The following PRELID2 variants were observed in gnomAD, a reference collection of about 807,000 sequenced individuals.
The protein encoded by PRELID2 is PRELI domain containing 2, also known as PRELI domain-containing protein 2.
PRELID2 carries 25 observed loss-of-function variants against 28.4 expected under a neutral mutation model. That is an observed-to-expected ratio of 0.88 (90% CI 0.64 to 1.23). The LOEUF is 1.23. Among genes scored for constraint, PRELID2 ranks in the 50% most tolerant of loss-of-function variants. The pLI is 0.00. For synonymous variants in PRELID2, 76 were observed against 71.6 expected (o/e 1.06, Z -0.31); for missense variants, 201 against 214.4 (o/e 0.94, Z 0.39).
Position 145,492,818 on chromosome 5 carries a change from C to T in PRELID2, n.71-19503G>A, listed in dbSNP as rs557254704. Among the ~76,000 whole-genome samples the T allele has an allele frequency of 3.6e-4, 51 of 141,010 alleles. 6 individuals carry two copies. The highest frequency in any genetic ancestry group is 1.2e-3 in the African/African-American group (50 of 40,076). 92.5% of individuals were successfully genotyped at this position (141,010 alleles called of 152,430 possible). ...GGTGCAGGCCAGAGATTGAGTCCAC[C>T]ACACAAGGCTGAAGCCTTAGGGTTA... On this transcript the variant is annotated intron_variant and non_coding_transcript_variant, in intron 1 of 2. Coordinates refer to the PRELID2 transcript ENST00000510259.
At chr5:145,488,123 C>CAAAA (rs10643402) in intron 1 of PRELID2, among the ~76,000 whole-genome samples, 15 of 101,312 alleles carry the variant, frequency 1.5e-4, no homozygotes, top group South Asian at 7.4e-4. Flanking sequence ...GACTCTGTCT[C>CAAAA]AAAAAAAAAA....
At chr5:145,569,746 C>T (rs1753001116) in intron 1 of PRELID2, among the ~76,000 whole-genome samples, 1 of 152,160 alleles carries the variant, frequency 6.6e-6, no homozygotes, top group Admixed American at 6.6e-5. Flanking sequence ...TGTCAGGCAA[C>T]AAATGTTCAT....
chr5:145,306,952 T>C, the PRELID2 span, among the ~76,000 whole-genome samples: 1 of 152,204 alleles, frequency 6.6e-6, no homozygotes. Flanking sequence ...AAATAGGAGA[T>C]ACAACTACTT....
intron 1 of PRELID2, among the ~76,000 whole-genome samples, chr5:145,713,058 C>T (rs148015141): frequency 7.9e-4 from 120 of 151,468 alleles, no homozygotes; most frequent in Admixed American, 1.3e-3. Flanking sequence ...CATAGAACTG[C>T]GGGACAATAT....
chr5:145,548,654 T>C (rs1257755265), intron 1 of PRELID2, among the ~76,000 whole-genome samples: 1 of 152,166 alleles, frequency 6.6e-6, no homozygotes, highest in Non-Finnish European at 1.5e-5. Flanking sequence ...TCCATCCTTG[T>C]GGTGTCTACC....
At chr5:145,829,909 G>A (rs921802828) in intron 1 of PRELID2, among the ~76,000 whole-genome samples, 2 of 152,176 alleles carry the variant, frequency 1.3e-5, no homozygotes, top group African/African-American at 2.4e-5. Context: ...TCCCCTTTAT[G>A]AGCTTAAGAG....
chr5:145,686,013 G>A (rs192069522), intron 1 of PRELID2, among the ~76,000 whole-genome samples: 2 of 152,260 alleles, frequency 1.3e-5, no homozygotes, highest in East Asian at 1.9e-4. Flanking sequence ...CATGTTACAT[G>A]GGAATGAACA....
At chr5:145,753,742 G>A (rs562554060), downstream of PRELID2, among the ~76,000 whole-genome samples, 1 of 152,286 alleles carries the variant, frequency 6.6e-6, no homozygotes, top group African/African-American at 2.4e-5. Context: ...CTGAGGGTGA[G>A]ACCCTGGCAT....
the PRELID2 span, among the ~76,000 whole-genome samples, chr5:145,430,389 C>T: frequency 6.6e-6 from 1 of 152,092 alleles, no homozygotes. Flanking sequence ...ATGAGAATTG[C>T]CGGGGAGTTC....
chr5:145,453,805 A>G, the PRELID2 span, among the ~76,000 whole-genome samples: 3 of 152,116 alleles, frequency 2.0e-5, no homozygotes, highest in Non-Finnish European at 4.4e-5. Context: ...CATCCTTTTT[A>G]TGGCTGCATA....
rs546047977 is a variant in PRELID2, at chr5:145,804,863, C to T, written c.369-8316G>A. ...TTCAAATTACACAATGGTTTGTAAA[C>T]TAGCTTAGGTGGAGGCTTGTCTTGG... On this transcript the variant is annotated intron_variant, in intron 4 of 6. Coordinates refer to ENST00000683046, the MANE Select transcript of PRELID2 (RefSeq NM_205846.3). Among the ~76,000 whole-genome samples, 4 of 152,248 alleles carry T rather than the reference C, an allele frequency of 2.6e-5. No individual in the cohort carries two copies. The East Asian group carries it at 7.7e-4, about 29-fold the overall frequency.
intron 1 of PRELID2, among the ~76,000 whole-genome samples, chr5:145,708,733 G>A (rs1755613127): frequency 6.6e-6 from 1 of 152,162 alleles, no homozygotes; most frequent in Non-Finnish European, 1.5e-5. Flanking sequence ...TCAAAAGCAA[G>A]TAATGCTTAA....
chr5:145,745,320 TA>T (rs1283698198), intron 1 of PRELID2, among the ~76,000 whole-genome samples: 6 of 152,056 alleles, frequency 3.9e-5, no homozygotes, highest in Non-Finnish European at 7.4e-5. Flanking sequence ...TTCCCCAACC[TA>T]GCAAGACAGG....
intron 1 of PRELID2, among the ~76,000 whole-genome samples, chr5:145,571,048 T>C (rs1378364779): frequency 6.6e-6 from 1 of 152,232 alleles, no homozygotes; most frequent in Non-Finnish European, 1.5e-5. Flanking sequence ...ATAATTCTAG[T>C]GACTTGAAAA....
chr5:145,411,665 CCTT>C, the PRELID2 span, among the ~76,000 whole-genome samples: 3 of 152,176 alleles, frequency 2.0e-5, no homozygotes, highest in African/African-American at 7.2e-5. Context: ...ATGGTGGCCT[CCTT>C]CTCACGCTCT....
At chr5:145,529,998 A>C (rs1464967617) in intron 1 of PRELID2, among the ~76,000 whole-genome samples, 4 of 152,148 alleles carry the variant, frequency 2.6e-5, no homozygotes, top group African/African-American at 9.6e-5. Flanking sequence ...GCTTTACTGA[A>C]AGCAGATCAT....
chr5:145,758,244 G>C lies in PRELID2; in HGVS notation c.*2292C>G, dbSNP rs949139097. On this transcript the variant is annotated 3_prime_UTR_variant, in exon 7 of 7. Transcript: ENST00000683046. ...AAAAGACCAACGACACAACCGCACT[G>C]TGCTGGAACCGGGCACACAAGGCAG... Among the ~76,000 whole-genome samples, 10 of 151,958 alleles carry C rather than the reference G, an allele frequency of 6.6e-5. No homozygotes were observed. Among genetic ancestry groups the C allele is most frequent in the Non-Finnish European group, 1.3e-4 (9 of 68,018 alleles).
intron 1 of PRELID2, among the ~76,000 whole-genome samples, chr5:145,718,507 C>G (rs1755901140): frequency 6.6e-6 from 1 of 151,564 alleles, no homozygotes; most frequent in African/African-American, 2.4e-5. Context: ...TGTATAAATT[C>G]CCAGTCAAAT....
chr5:145,740,728 AAAT>A (rs1756664427), intron 1 of PRELID2, among the ~76,000 whole-genome samples: 2 of 118,438 alleles, frequency 1.7e-5, no homozygotes, highest in Non-Finnish European at 3.2e-5. Context: ...ATATTACATT[AAAT>A]ATTATATATA....
Sources: gnomAD v4.1 joint callset for allele counts (sites outside exome capture counted in the v4.1 genomes callset) on GRCh38, gnomAD v4.1.1 for gene constraint, MANE v1.5 for transcripts, NCBI Gene and HGNC (gene_info 2026-07-23, HGNC 2026-07-21) for gene names.